EYS: variants seen among roughly 807,000 people sequenced by gnomAD.
EYS encodes the protein protein eyes shut homolog.
A neutral mutation model predicts 282.1 loss-of-function variants in EYS; 250 were observed. That is an observed-to-expected ratio of 0.89 (90% CI 0.80 to 0.98). The LOEUF is 0.98. Among genes scored for constraint, EYS ranks in the 50% least tolerant of loss-of-function variants. The pLI, the probability that EYS is intolerant of heterozygous loss-of-function variation, is 0.00. For missense variants in EYS, 4,016 were observed against 3,709.0 expected (o/e 1.08, Z -2.15); for synonymous variants, 1,355 against 1,282.9 (o/e 1.06, Z -1.20).
At chr6:64,962,779 G>A (rs1047522785) in intron 14 of EYS, among the ~76,000 whole-genome samples, 1 of 151,884 alleles carries the variant, frequency 6.6e-6, no homozygotes, top group African/African-American at 2.4e-5. Flanking sequence ...AAGAGAGAGA[G>A]AAATATAGAA....
chr6:64,981,363 A>T (rs1025242805), intron 14 of EYS, among the ~76,000 whole-genome samples: 1 of 151,314 alleles, frequency 6.6e-6, no homozygotes, highest in Non-Finnish European at 1.5e-5. Flanking sequence ...CAAAGTTTGT[A>T]TGATAGCCTA....
intron 28 of EYS, among the ~76,000 whole-genome samples, chr6:64,425,007 G>GA (rs1774355652): frequency 6.6e-6 from 1 of 152,116 alleles, no homozygotes; most frequent in Non-Finnish European, 1.5e-5. Context: ...GAAAAATACT[G>GA]AAAACGACAC....
chr6:64,732,139 C>T (rs1771991760), intron 22 of EYS, among the ~76,000 whole-genome samples: 2 of 151,684 alleles, frequency 1.3e-5, no homozygotes, highest in South Asian at 2.1e-4. Flanking sequence ...GGGAGAGGAA[C>T]ATCACACACT....
rs529020289 is a variant in EYS, at chr6:64,393,583, C to A, written c.5928-4743G>T. Among the ~76,000 whole-genome samples the A allele has an allele frequency of 5.9e-3, 899 of 152,000 alleles. 4 individuals are homozygous for A. The highest frequency in any genetic ancestry group is 0.02 in the African/African-American group (822 of 41,460). On this transcript the variant is annotated intron_variant, in intron 28 of 42. Coordinates refer to ENST00000503581, the MANE Select transcript of EYS (RefSeq NM_001142800.2). ...AAGGCCTTTGACAAAATTCAACAAC[C>A]CTTCATGCTAAAAACTCTCAATAAA...
rs1766135774 is a variant in EYS at position 64,583,409 on chromosome 6, A to T, written c.5644+6814T>A. Among the ~76,000 whole-genome samples the T allele has an allele frequency of 2.0e-5, 3 of 151,706 alleles. No homozygotes were observed. The South Asian group carries it at 6.2e-4, about 31-fold the overall frequency. On this transcript the variant is annotated intron_variant, in intron 26 of 42. Coordinates refer to ENST00000503581, the MANE Select transcript of EYS (RefSeq NM_001142800.2). ...TCATATTTGAACACTTCAGGGCCCA[A>T]ATAAGCAAGCAGGCAAACAAACAAA... is the stretch of plus-strand genomic sequence containing the variant.
intron 5 of EYS, among the ~76,000 whole-genome samples, chr6:65,460,488 T>A (rs1041201221): frequency 1.3e-5 from 2 of 152,056 alleles, no homozygotes; most frequent in African/African-American, 4.8e-5. Flanking sequence ...CTTTAGCTCA[T>A]CTCATCAGAC....
chr6:65,423,496 C>G (rs532835010), intron 5 of EYS, among the ~76,000 whole-genome samples: 1 of 151,862 alleles, frequency 6.6e-6, no homozygotes, highest in Non-Finnish European at 1.5e-5. Flanking sequence ...ATCCTGGGAC[C>G]TAGCTTCCAA....
At chr6:64,481,109 GTGC>G (rs1776423989) in intron 26 of EYS, among the ~76,000 whole-genome samples, 1 of 150,814 alleles carries the variant, frequency 6.6e-6, no homozygotes, top group African/African-American at 2.4e-5. Context: ...TGTATTTAAT[GTGC>G]TGTTTATTTT....
chr6:65,549,108 C>T (rs1350748111), intron 2 of EYS, among the ~76,000 whole-genome samples: 1 of 152,188 alleles, frequency 6.6e-6, no homozygotes, highest in Non-Finnish European at 1.5e-5. Flanking sequence ...CTCTCACCCT[C>T]CCCTCACCTC....
At chr6:65,229,418 G>A (rs1766712291) in intron 12 of EYS, among the ~76,000 whole-genome samples, 2 of 151,660 alleles carry the variant, frequency 1.3e-5, no homozygotes, top group Admixed American at 1.3e-4. Flanking sequence ...ACTGAGCATG[G>A]AACAAAAAAG....
chr6:65,040,808 A>G (rs1772911177), intron 13 of EYS, among the ~76,000 whole-genome samples: 1 of 151,680 alleles, frequency 6.6e-6, no homozygotes, highest in African/African-American at 2.4e-5. Flanking sequence ...TGGACAGAAG[A>G]GTGTTTGACC....
intron 22 of EYS, among the ~76,000 whole-genome samples, chr6:64,693,742 T>G (rs1770480559): frequency 2.6e-5 from 4 of 152,056 alleles, no homozygotes; most frequent in Admixed American, 2.6e-4. Flanking sequence ...AGCGTAGCCA[T>G]TAATTTTTTT....
intron 15 of EYS, among the ~76,000 whole-genome samples, chr6:64,932,573 T>A (rs1276673711): frequency 6.6e-6 from 1 of 151,696 alleles, no homozygotes; most frequent in African/African-American, 2.4e-5. Context: ...CTAGAAAACA[T>A]CACAGCATGC....
At chr6:64,810,297 A>T (rs1764553551) in intron 22 of EYS, among the ~76,000 whole-genome samples, 3 of 152,226 alleles carry the variant, frequency 2.0e-5, no homozygotes, top group African/African-American at 7.2e-5. Context: ...GTTTTTAATT[A>T]AATAAAAGTC....
intron 1 of EYS, among the ~76,000 whole-genome samples, chr6:65,687,670 T>C (rs1267427320): frequency 6.6e-6 from 1 of 152,172 alleles, no homozygotes; most frequent in Non-Finnish European, 1.5e-5. Context: ...CATGATTATA[T>C]ATCTAGAAAA....
In EYS at chr6:63,760,745, C is replaced by T. The variant is rs952511984; in HGVS notation, c.8071+1716G>A. Among the ~76,000 whole-genome samples, 4 of 151,818 alleles carry T rather than the reference C, an allele frequency of 2.6e-5. No individual in the cohort carries two copies. In the South Asian group the frequency reaches 8.3e-4, roughly 31 times the overall value. On this transcript the variant is annotated intron_variant, in intron 41 of 42. Coordinates refer to ENST00000503581, the MANE Select transcript of EYS (RefSeq NM_001142800.2). ...CCATTCATCTATCTTCATCTGCCCT[C>T]TATATAATCTATTTATATACATCCA...
chr6:63,970,304 C>T (rs551965550), intron 35 of EYS, among the ~76,000 whole-genome samples: 1 of 152,274 alleles, frequency 6.6e-6, no homozygotes, highest in South Asian at 2.1e-4. Flanking sequence ...GCACTGGCCC[C>T]ATGTCCATGA....
At chr6:63,768,620 T>C (rs1285494950) in intron 40 of EYS, among the ~76,000 whole-genome samples, 2 of 152,084 alleles carry the variant, frequency 1.3e-5, no homozygotes, top group Admixed American at 6.6e-5. Flanking sequence ...ACTTACACAT[T>C]GCTAGTGGGA....
At chr6:64,333,281 A>G (rs1770709579) in intron 29 of EYS, among the ~76,000 whole-genome samples, 1 of 152,174 alleles carries the variant, frequency 6.6e-6, no homozygotes, top group Non-Finnish European at 1.5e-5. Flanking sequence ...TGTAAACAAA[A>G]TGGAAGTATT....
Sources: gnomAD v4.1 joint callset for allele counts (sites outside exome capture counted in the v4.1 genomes callset) on GRCh38, gnomAD v4.1.1 for gene constraint, MANE v1.5 for transcripts, NCBI Gene and HGNC (gene_info 2026-07-23, HGNC 2026-07-21) for gene names.